Variants in CBLB observed in about 807,000 individuals in gnomAD.
The protein encoded by CBLB is Cbl proto-oncogene B.
A neutral mutation model predicts 104.9 loss-of-function variants in CBLB; 31 were observed. The observed-to-expected ratio is 0.30, with a 90% CI of 0.22 to 0.40. The LOEUF is 0.40. Among genes scored for constraint, CBLB ranks in the 10% least tolerant of loss-of-function variants. The pLI is 1.00. For missense variants in CBLB, 1,062 were observed against 1,214.6 expected, an observed-to-expected ratio of 0.87 and a Z score of 1.87; for synonymous variants, 440 against 422.6, an observed-to-expected ratio of 1.04 and a Z score of -0.51.
At chr3:105,868,339 G>A (rs1706458860) in intron 1 of CBLB, 1 of 644,578 alleles carries the variant, frequency 1.6e-6, no homozygotes, top group Non-Finnish European at 2.2e-6. Context: ...CTTTGTTTCA[G>A]GACGCCTGTG....
At position 105,757,115 on chromosome 3, in the gene CBLB, C is replaced by T. The variant is rs572250514; in HGVS notation, c.567-5497G>A. 9.5e-4 allele frequency among the ~76,000 whole-genome samples: 144 copies of T among 152,242 alleles called. 1 individual carries two copies. Among genetic ancestry groups the T allele is most frequent in the African/African-American group, 3.4e-3 (143 of 41,538 alleles). On this transcript the variant is annotated intron_variant, in intron 4 of 18. Transcript: ENST00000394030. ...AGATGCTAATACCATGCCTGTACAG[C>T]CTGCATAACCAAGGGCCCAATAAAC...
chr3:105,741,289 A>C (rs1333990303), intron 6 of CBLB, among the ~76,000 whole-genome samples: 6 of 146,168 alleles, frequency 4.1e-5, no homozygotes, highest in African/African-American at 1.0e-4. Context: ...CCCAGGTTCA[A>C]GCGATTCTCC....
At chr3:105,847,399 C>CACACACACACACACAA (rs2153108037) in intron 3 of CBLB, among the ~76,000 whole-genome samples, 1 of 148,028 alleles carries the variant, frequency 6.8e-6, no homozygotes, top group East Asian at 2.0e-4. Flanking sequence ...CCACCACACA[C>CACACACACACACACAA]ACACACACAC....
chr3:105,686,557 C>G (rs923471311), intron 13 of CBLB, among the ~76,000 whole-genome samples: 2 of 151,914 alleles, frequency 1.3e-5, no homozygotes, highest in Non-Finnish European at 2.9e-5. Flanking sequence ...AATTAACATT[C>G]ATTTTTATTT....
chr3:105,770,631 T>C (rs1208277038), intron 4 of CBLB, among the ~76,000 whole-genome samples: 1 of 152,084 alleles, frequency 6.6e-6, no homozygotes, highest in African/African-American at 2.4e-5. Context: ...AAGTGGGAAG[T>C]GTGCTGCAGA....
chr3:105,759,657 G>T (rs1023248834), intron 4 of CBLB, among the ~76,000 whole-genome samples: 1 of 152,208 alleles, frequency 6.6e-6, no homozygotes, highest in African/African-American at 2.4e-5. Context: ...CAGTGCCCAG[G>T]CTTGGCCACA....
rs772599986 is a variant in CBLB at position 105,681,828 on chromosome 3, A to G, written c.2202-10T>C. The G allele has an allele frequency of 2.0e-6, 3 of 1,509,608 alleles. No individual in the cohort carries two copies. In the South Asian group the frequency reaches 3.4e-5, roughly 17 times the overall value. 93.5% of individuals were successfully genotyped at this position (1,509,608 alleles called of 1,614,324 possible). A position where few individuals can be genotyped will look rare whatever the true frequency, so the allele number is the denominator to read the frequency against. The stretch of plus-strand genomic sequence containing the variant: ...ACCATTATCACAAGACCTAAAGGAC[A>G]GTTCAGAGTAAAATTATATAAGGAG... On this transcript the variant is annotated splice_polypyrimidine_tract_variant and intron_variant, in intron 14 of 18. Transcript: ENST00000394030.
chr3:105,702,163 A>G lies in CBLB; in HGVS notation c.1890T>C (p.Ser630=), dbSNP rs772200056. ...TAAGCACTGGGTCAGAGCCCACTCT[A>G]CTGTGCCTTCCATTGACATTTGAAC... is the stretch of plus-strand genomic sequence containing the variant. The part of the protein sequence containing the change: ...TASSNVNGRH[S]RVGSDPVLMR... Residue 630 remains serine (S), a synonymous_variant, in exon 12 of 19, where the codon AGT becomes AGC. Coordinates refer to ENST00000394030, the MANE Select transcript of CBLB (RefSeq NM_170662.5). 23 of 1,614,016 alleles carry G rather than the reference A, an allele frequency of 1.4e-5. No homozygotes were observed. The African/African-American group carries it at 1.7e-4, about 12-fold the overall frequency.
chr3:105,791,435 T>TG (rs1332019603), intron 3 of CBLB, among the ~76,000 whole-genome samples: 2,659 of 152,344 alleles, frequency 0.017, 69 homozygotes, highest in African/African-American at 0.06. Flanking sequence ...TAAAGAAATA[T>TG]ATCCTTTATT....
At chr3:105,788,604 C>T (rs2081293839) in intron 3 of CBLB, among the ~76,000 whole-genome samples, 1 of 152,214 alleles carries the variant, frequency 6.6e-6, no homozygotes, top group Non-Finnish European at 1.5e-5. Context: ...GACTTAACCT[C>T]TTCAAGTCTC....
At chr3:105,675,394 A>T (rs1230382357) in intron 17 of CBLB, among the ~76,000 whole-genome samples, 1 of 152,228 alleles carries the variant, frequency 6.6e-6, no homozygotes, top group Admixed American at 6.5e-5. Flanking sequence ...GCTATAATGA[A>T]TCTTTTACAT....
Position 105,737,495 on chromosome 3 carries a change from C to T in CBLB, c.984-237G>A, listed in dbSNP as rs535979032. Among the ~76,000 whole-genome samples the T allele has an allele frequency of 1.8e-4, 28 of 152,072 alleles. No individual in the cohort carries two copies. The South Asian group carries it at 5.6e-3, about 30-fold the overall frequency. On this transcript the variant is annotated intron_variant, in intron 7 of 18. Coordinates refer to ENST00000394030, the MANE Select transcript of CBLB (RefSeq NM_170662.5). ...AATATAGCCTAACCCACTAAGCAAC[C>T]ATTTTCAATGAAATACCTTTAATAT...
intron 3 of CBLB, among the ~76,000 whole-genome samples, chr3:105,805,333 C>T (rs745875540): frequency 3.4e-4 from 50 of 147,854 alleles, no homozygotes; most frequent in Non-Finnish European, 6.4e-4. Flanking sequence ...GAGGGAGTCT[C>T]ACCCTGTCAC....
At chr3:105,722,746 C>T (rs1338867631) in intron 9 of CBLB, among the ~76,000 whole-genome samples, 1 of 152,094 alleles carries the variant, frequency 6.6e-6, no homozygotes, top group East Asian at 1.9e-4. Context: ...TGATATATTT[C>T]CTCACAAGAG....
chr3:105,700,428 C>G (rs2068930009), intron 12 of CBLB, among the ~76,000 whole-genome samples: 1 of 151,644 alleles, frequency 6.6e-6, no homozygotes, highest in Admixed American at 6.6e-5. Flanking sequence ...AACACTCTTC[C>G]CAAGACAAGT....
At chr3:105,762,610 A>G (rs757847432) in intron 4 of CBLB, among the ~76,000 whole-genome samples, 8 of 152,244 alleles carry the variant, frequency 5.3e-5, no homozygotes, top group South Asian at 2.1e-4. Context: ...GTTAAGGTAT[A>G]GGAATCTCTG....
At chr3:105,735,986 G>A (rs1008655936) in intron 8 of CBLB, among the ~76,000 whole-genome samples, 2 of 151,926 alleles carry the variant, frequency 1.3e-5, no homozygotes, top group Non-Finnish European at 2.9e-5. Context: ...AAATTTACAC[G>A]TACAATATGT....
chr3:105,774,198 G>C (rs1332614348), intron 4 of CBLB, among the ~76,000 whole-genome samples: 1 of 152,102 alleles, frequency 6.6e-6, no homozygotes, highest in Non-Finnish European at 1.5e-5. Context: ...TGGCCTCAAT[G>C]AACAGTGAGA....
chr3:105,730,939 C>T (rs2074251672), intron 9 of CBLB, among the ~76,000 whole-genome samples: 1 of 152,110 alleles, frequency 6.6e-6, no homozygotes, highest in Non-Finnish European at 1.5e-5. Context: ...CAATTATGTA[C>T]TTCCTCAATT....
Sources: allele counts gnomAD v4.1 joint callset (sites outside exome capture counted in the v4.1 genomes callset), GRCh38; gene constraint gnomAD v4.1.1; transcripts MANE v1.5; gene names NCBI Gene and HGNC (gene_info 2026-07-23, HGNC 2026-07-21).